Variants in TCN1 observed in about 807,000 individuals in gnomAD.
TCN1 encodes transcobalamin 1.
A neutral mutation model predicts 46.3 loss-of-function variants in TCN1; 47 were observed. The ratio of observed to expected loss-of-function variants is 1.01; its 90% CI spans 0.80 to 1.29. The LOEUF is 1.29. TCN1 is among the 50% of genes most tolerant of loss of function. The pLI, the probability that TCN1 is intolerant of heterozygous loss-of-function variation, is 0.00. For missense variants in TCN1, 532 were observed against 511.0 expected (o/e 1.04, Z -0.40); for synonymous variants, 183 against 192.5 (o/e 0.95, Z 0.41).
At chr11:59,857,519 C>T (rs1435696889) in intron 5 of TCN1, among the ~76,000 whole-genome samples, 5 of 152,180 alleles carry the variant, frequency 3.3e-5, no homozygotes, top group Non-Finnish European at 7.3e-5. Context: ...CTGGTCATGC[C>T]GAACACCTTG....
chr11:59,866,280 A>T, intron 1 of TCN1, 112 bp downstream of exon 1: 1 of 1,087,642 alleles, frequency 9.2e-7, no homozygotes, highest in Non-Finnish European at 1.4e-6. Context: ...GAGTCCAACC[A>T]CATACGAAAC....
chr11:59,856,564 CAA>C (rs1168613330), intron 5 of TCN1, among the ~76,000 whole-genome samples: 6 of 150,906 alleles, frequency 4.0e-5, no homozygotes, highest in African/African-American at 1.5e-4. Context: ...ATAGAGCACT[CAA>C]GAGGAACAAC....
chr11:59,862,528 A>G (rs1284653028), intron 3 of TCN1, 54 bp downstream of exon 3: 1 of 1,597,638 alleles, frequency 6.3e-7, no homozygotes, highest in Non-Finnish European at 8.6e-7. Context: ...ATAGTTTTGA[A>G]TCAGTGGAGG....
At chr11:59,860,676 A>C (rs1171307257) in intron 4 of TCN1, among the ~76,000 whole-genome samples, 1 of 152,198 alleles carries the variant, frequency 6.6e-6, no homozygotes, top group Non-Finnish European at 1.5e-5. Flanking sequence ...TGATTAGAAA[A>C]TAGTACTTTA....
intron 4 of TCN1, among the ~76,000 whole-genome samples, chr11:59,859,556 T>G (rs1565214375): frequency 6.6e-6 from 1 of 152,176 alleles, no homozygotes; most frequent in African/African-American, 2.4e-5. Flanking sequence ...TAAGGTTACT[T>G]AAGGGAGATG....
chr11:59,861,650 A>G lies in TCN1; in HGVS notation c.433T>C (p.Tyr145His), dbSNP rs749793610. The change falls in exon 4 of 9, where the codon TAC becomes CAC. Residue 145 changes from tyrosine to histidine, a missense_variant. Coordinates refer to ENST00000257264, the MANE Select transcript of TCN1 (RefSeq NM_001062.4). ...GCCAAAACGTCCAGGCTGAGCTGGT[A>G]GTAGTTAGTCAGGGGAGTGCCATTG... ...AHNGTPLTNY[Y>H]QLSLDVLALC... The G allele has an allele frequency of 6.2e-7, 1 of 1,614,144 alleles. No homozygotes were observed. The highest frequency in any genetic ancestry group is 2.2e-5 in the East Asian group (1 of 44,868).
rs188773526 is a variant in TCN1, at chr11:59,854,436, T to C, written c.1121+216A>G. 4.3e-3 allele frequency among the ~76,000 whole-genome samples: 627 copies of C among 146,712 alleles called. 11 individuals carry two copies. Among genetic ancestry groups the C allele is most frequent in the Admixed American group, 0.038 (571 of 15,002 alleles). ...AAGAGAGAGCCCTGAGATTCATTAATTTATTTAGCGAACATTAATTTACTA... is the reference window on the plus strand; with the variant it reads ...AAGAGAGAGCCCTGAGATTCATTAACTTATTTAGCGAACATTAATTTACTA... On this transcript the variant is annotated intron_variant, in intron 7 of 8. Coordinates refer to ENST00000257264, the MANE Select transcript of TCN1 (RefSeq NM_001062.4).
chr11:59,864,206 C>T (rs1310107501), intron 1 of TCN1, 120 bp from the exon 2 acceptor site: 1 of 1,134,750 alleles, frequency 8.8e-7, no homozygotes, highest in Non-Finnish European at 1.3e-6. Flanking sequence ...AATCCAGTGG[C>T]TGCAGACTGT....
At chr11:59,854,507 C>T (rs749857098) in intron 7 of TCN1, 145 bp downstream of exon 7, 12 of 794,966 alleles carry the variant, frequency 1.5e-5, no homozygotes, top group Non-Finnish European at 2.3e-5. Context: ...CTATTTTAAA[C>T]TCCTGCTGTG....
intron 5 of TCN1, among the ~76,000 whole-genome samples, chr11:59,856,829 T>C (rs1269236166): frequency 6.6e-6 from 1 of 152,162 alleles, no homozygotes; most frequent in East Asian, 1.9e-4. Context: ...CATTATTTGA[T>C]TGACAATGGG....
chr11:59,855,784 T>C (rs1264785978), intron 6 of TCN1, 85 bp downstream of exon 6: 2 of 1,480,232 alleles, frequency 1.4e-6, no homozygotes, highest in East Asian at 4.5e-5. Context: ...TCTGGTCACT[T>C]TTGGTTTCAA....
Position 59,856,045 on chromosome 11 carries a change from G to A in TCN1, c.761C>T (p.Ser254Leu). The A allele has an allele frequency of 9.5e-7, 1 of 1,053,454 alleles. No homozygotes were observed. The highest frequency in any genetic ancestry group is 1.3e-6 in the Non-Finnish European group (1 of 762,132). The allele number at this position is 1,053,454 out of a possible 1,614,324, so 65.3% of individuals were successfully genotyped here. A position where few individuals can be genotyped will look rare whatever the true frequency, so the allele number is the denominator to read the frequency against. The change falls in exon 6 of 9, where the codon TCA becomes TTA. Residue 254 changes from serine (S) to leucine (L), a missense_variant. By Grantham distance (145) the Ser-to-Leu change is moderately radical (BLOSUM62 -2). Coordinates refer to ENST00000257264, the MANE Select transcript of TCN1 (RefSeq NM_001062.4). ...TGEAMQALFV[S>L]SDYYNENDWN... The stretch of plus-strand genomic sequence containing the variant: ...GTCATTTTCATTATAATAGTCTGAT[G>A]ATACAAAGAGGGCCTAATGAGGCAG...
At chr11:59,859,392 G>A (rs1852993925) in intron 4 of TCN1, 125 bp from the exon 5 acceptor site, 4 of 996,290 alleles carry the variant, frequency 4.0e-6, no homozygotes, top group Non-Finnish European at 6.3e-6. Context: ...AACTGGGATG[G>A]TTGGTCATGC....
chr11:59,853,887 ATTTTCT>A (rs1263494892), intron 7 of TCN1, among the ~76,000 whole-genome samples: 2 of 152,088 alleles, frequency 1.3e-5, no homozygotes, highest in African/African-American at 4.8e-5. Flanking sequence ...TATTATTCTG[ATTTTCT>A]TTATAGCATC....
At chr11:59,854,341 A>G (rs1852899278) in intron 7 of TCN1, among the ~76,000 whole-genome samples, 1 of 151,726 alleles carries the variant, frequency 6.6e-6, no homozygotes, top group Non-Finnish European at 1.5e-5. Flanking sequence ...AAAAGAGTTA[A>G]GAACCACTGT....
chr11:59,855,987 G>A lies in TCN1; in HGVS notation c.819C>T (p.Leu273=). 6.3e-7 allele frequency: 1 copy of A among 1,592,392 alleles called. No homozygotes were observed. ...WNCQQTLNTV[L]TEISQGAFSN... Reference sequence around the variant, plus strand: ...TGAATGCTCCTTGAGAAATTTCCGTGAGCACTGTATTCAGAGTTTGTTGGC... The same window carrying A: ...TGAATGCTCCTTGAGAAATTTCCGTAAGCACTGTATTCAGAGTTTGTTGGC... The change falls in exon 6 of 9, where the codon CTC becomes CTT. Residue 273 remains leucine, a synonymous_variant. Transcript: ENST00000257264.
chr11:59,866,397 A>G lies in TCN1; in HGVS notation c.74T>C (p.Ile25Thr), dbSNP rs1393582373. 6 of 1,613,230 alleles carry G rather than the reference A, an allele frequency of 3.7e-6. No individual in the cohort carries two copies. The highest frequency in any genetic ancestry group is 5.1e-6 in the Non-Finnish European group (6 of 1,179,354). The change falls in exon 1 of 9, where the codon ATT becomes ACT. Residue 25 changes from isoleucine to threonine, a missense_variant. Ile to Thr is a moderately conservative substitution (Grantham distance 89). Coordinates refer to ENST00000257264, the MANE Select transcript of TCN1 (RefSeq NM_001062.4). ...FSFIPSQLCE[I>T]CEVSEENYIR... ...TTAGCTCAAAGTTTACTCACCACAA[A>G]TCTCGCATAGTTGGCTTGGAATAAA...
intron 5 of TCN1, among the ~76,000 whole-genome samples, chr11:59,858,827 G>T (rs1490518744): frequency 6.6e-6 from 1 of 151,984 alleles, no homozygotes; most frequent in African/African-American, 2.4e-5. Flanking sequence ...AAAATTAGCC[G>T]GGCGTGGTGG....
intron 7 of TCN1, among the ~76,000 whole-genome samples, chr11:59,854,305 T>G (rs1005851528): frequency 2.0e-5 from 3 of 151,458 alleles, no homozygotes; most frequent in African/African-American, 7.4e-5. Flanking sequence ...TACATTCACT[T>G]GATTTTCAAA....
Sources: gnomAD v4.1 joint callset for allele counts (sites outside exome capture counted in the v4.1 genomes callset) on GRCh38, gnomAD v4.1.1 for gene constraint, MANE v1.5 for transcripts, NCBI Gene and HGNC (gene_info 2026-07-23, HGNC 2026-07-21) for gene names.